The following GRID1 variants were observed in gnomAD, a reference collection of about 807,000 sequenced individuals.
The protein encoded by GRID1 is glutamate receptor ionotropic, delta-1.
Under a neutral mutation model 98.0 loss-of-function variants are expected in GRID1, and 28 were observed. The ratio of observed to expected loss-of-function variants is 0.29; its 90% confidence interval spans 0.21 to 0.39. GRID1 has a LOEUF of 0.39. Among genes scored for constraint, GRID1 ranks in the 10% least tolerant of loss-of-function variants. The pLI is 1.00. For missense variants in GRID1, 1,111 were observed against 1,340.5 expected, an observed-to-expected ratio of 0.83 and a Z score of 2.67; for synonymous variants, 553 against 538.5, an observed-to-expected ratio of 1.03 and a Z score of -0.37.
intron 2 of GRID1, among the ~76,000 whole-genome samples, chr10:86,272,464 C>T (rs1847200243): frequency 6.6e-6 from 1 of 152,142 alleles, no homozygotes; most frequent in Non-Finnish European, 1.5e-5. Flanking sequence ...AAGTGCCATC[C>T]CATGTTCCCA....
At position 86,244,170 on chromosome 10, in the gene GRID1, C is replaced by T. The variant is rs568611177; in HGVS notation, c.236-37522G>A. On this transcript the variant is annotated intron_variant, in intron 2 of 15. Coordinates refer to ENST00000327946, the MANE Select transcript of GRID1 (RefSeq NM_017551.3). Reference sequence around the variant, plus strand: ...AATTTTTTTTTAACCAACTGCACTTCCTACCAATATCCACCAAAAGATGAC... The same window carrying T: ...AATTTTTTTTTAACCAACTGCACTTTCTACCAATATCCACCAAAAGATGAC... 7.2e-5 allele frequency among the ~76,000 whole-genome samples: 11 copies of T among 152,300 alleles called. No individual in the cohort carries two copies. The South Asian group carries it at 1.9e-3, about 26-fold the overall frequency.
chr10:86,243,987 GCACTGTGTGTA>G (rs1471746242), intron 2 of GRID1, among the ~76,000 whole-genome samples: 1 of 152,186 alleles, frequency 6.6e-6, no homozygotes, highest in Admixed American at 6.5e-5. Context: ...GTGCTTGTGT[GCACTGTGTGTA>G]CACATATATA....
At chr10:86,238,043 G>A (rs1403571781) in intron 2 of GRID1, among the ~76,000 whole-genome samples, 1 of 152,214 alleles carries the variant, frequency 6.6e-6, no homozygotes, top group Non-Finnish European at 1.5e-5. Context: ...AAGAAAACAG[G>A]AAGATGAGGG....
At chr10:85,728,301 G>C (rs1266925005) in intron 9 of GRID1, among the ~76,000 whole-genome samples, 1 of 152,098 alleles carries the variant, frequency 6.6e-6, no homozygotes, top group African/African-American at 2.4e-5. Flanking sequence ...TGTCATCCCA[G>C]GCTCTGCCCC....
At chr10:85,691,454 T>C (rs1363168424) in intron 12 of GRID1, among the ~76,000 whole-genome samples, 1 of 152,210 alleles carries the variant, frequency 6.6e-6, no homozygotes, top group East Asian at 1.9e-4. Flanking sequence ...CAGATCCTCG[T>C]AGTGAGCCCC....
At chr10:85,835,179 G>GA (rs941262900) in intron 8 of GRID1, among the ~76,000 whole-genome samples, 73 of 152,196 alleles carry the variant, frequency 4.8e-4, no homozygotes, top group African/African-American at 1.6e-3. Flanking sequence ...AATGCATGAA[G>GA]AAAAAACTGA....
chr10:85,613,386 G>A (rs762439779), intron 15 of GRID1, 21 bp downstream of exon 15: 4 of 1,602,366 alleles, frequency 2.5e-6, no homozygotes, highest in Non-Finnish European at 3.4e-6. Flanking sequence ...TGAAAGGGAG[G>A]GCAGGCCCCA....
intron 8 of GRID1, among the ~76,000 whole-genome samples, chr10:85,849,951 GA>G (rs1485260821): frequency 2.6e-5 from 4 of 152,152 alleles, no homozygotes; most frequent in African/African-American, 7.2e-5. Context: ...GAAAGGAGAA[GA>G]AAACAGCTGT....
At chr10:86,097,462 GTCTATCTA>G (rs1400432168) in intron 4 of GRID1, among the ~76,000 whole-genome samples, 1 of 152,040 alleles carries the variant, frequency 6.6e-6, no homozygotes, top group Non-Finnish European at 1.5e-5. Flanking sequence ...TCTGTCTACC[GTCTATCTA>G]TCTACCACCT....
chr10:85,610,348 C>T (rs1267465316), intron 15 of GRID1, among the ~76,000 whole-genome samples: 3 of 152,188 alleles, frequency 2.0e-5, no homozygotes, highest in African/African-American at 7.2e-5. Context: ...TCCTTCGGAG[C>T]AGGCCCCGTA....
intron 4 of GRID1, among the ~76,000 whole-genome samples, chr10:85,968,581 C>A (rs969651741): frequency 6.6e-6 from 1 of 151,812 alleles, no homozygotes; most frequent in Non-Finnish European, 1.5e-5. Flanking sequence ...AACAGCTACA[C>A]TAAAGCAAAG....
At chr10:86,273,757 GTTGT>G (rs1327213197) in intron 2 of GRID1, among the ~76,000 whole-genome samples, 7 of 152,066 alleles carry the variant, frequency 4.6e-5, no homozygotes, top group Non-Finnish European at 1.0e-4. Context: ...TTTTGATGGG[GTTGT>G]TTGTTTTTTC....
chr10:85,648,060 T>C (rs1008829807), intron 12 of GRID1: 1 of 152,224 alleles, frequency 6.6e-6, no homozygotes, highest in South Asian at 2.1e-4. Context: ...AATTGGATTT[T>C]TATATCTCTC....
At position 85,744,636 on chromosome 10, in the gene GRID1, A is replaced by G. The variant is rs566927901; in HGVS notation, c.1234-15022T>C. Among the ~76,000 whole-genome samples, 8 of 106,650 alleles carry G rather than the reference A, an allele frequency of 7.5e-5. No homozygotes were observed. The East Asian group carries it at 1.8e-3, about 24-fold the overall frequency. The allele number at this position is 106,650 out of a possible 152,430, so 70.0% of individuals were successfully genotyped here. A position where few individuals can be genotyped will look rare whatever the true frequency, so the allele number is the denominator to read the frequency against. On this transcript the variant is annotated intron_variant, in intron 8 of 15. Coordinates refer to ENST00000327946, the MANE Select transcript of GRID1 (RefSeq NM_017551.3). ...AAAAACCCTAGAAGAAAACCTAGGC[A>G]TTACCATTCAGGACATAGGCACGGG...
chr10:86,220,448 T>C (rs1846236393), intron 2 of GRID1, among the ~76,000 whole-genome samples: 1 of 152,110 alleles, frequency 6.6e-6, no homozygotes, highest in Non-Finnish European at 1.5e-5. Flanking sequence ...GAGAGTCGAG[T>C]TAGTACTGAG....
At chr10:85,675,174 G>C (rs952408619) in intron 12 of GRID1, among the ~76,000 whole-genome samples, 1 of 152,196 alleles carries the variant, frequency 6.6e-6, no homozygotes, top group African/African-American at 2.4e-5. Context: ...CATACTCTTG[G>C]AGGGTCTAGA....
At chr10:86,321,193 T>C (rs1030391904) in intron 2 of GRID1, among the ~76,000 whole-genome samples, 2 of 151,744 alleles carry the variant, frequency 1.3e-5, no homozygotes, top group Admixed American at 6.6e-5. Flanking sequence ...AGAAATATTA[T>C]GCAGTCATTA....
intron 4 of GRID1, among the ~76,000 whole-genome samples, chr10:86,135,051 TC>T (rs1405331198): frequency 2.4e-4 from 37 of 152,254 alleles, no homozygotes; most frequent in African/African-American, 8.4e-4. Context: ...GAGAGAAAGC[TC>T]CAGCAGCCAC....
chr10:85,802,605 A>G (rs531185029), intron 8 of GRID1, among the ~76,000 whole-genome samples: 145 of 152,194 alleles, frequency 9.5e-4, no homozygotes, highest in African/African-American at 3.4e-3. Context: ...TTATCTTTAA[A>G]AGGAAAAAAA....
Sources: allele counts gnomAD v4.1 joint callset (sites outside exome capture counted in the v4.1 genomes callset), GRCh38; gene constraint gnomAD v4.1.1; transcripts MANE v1.5; gene names NCBI Gene and HGNC (gene_info 2026-07-23, HGNC 2026-07-21).